HS6ST3: variants seen among roughly 807,000 people sequenced by gnomAD.
HS6ST3 encodes the protein heparan sulfate 6-O-sulfotransferase 3, also known as heparan-sulfate 6-O-sulfotransferase 3.
A neutral mutation model predicts 36.7 loss-of-function variants in HS6ST3; 12 were observed. That is an observed-to-expected ratio of 0.33 (90% CI 0.21 to 0.53). The LOEUF is 0.53. Ranked by LOEUF, HS6ST3 falls within the 20% of genes least tolerant of loss-of-function variation. The probability of loss-of-function intolerance (pLI) is 0.95; values close to 1 mark genes in which losing one functional copy is unlikely to be tolerated. For missense variants in HS6ST3, 584 were observed against 640.9 expected, an observed-to-expected ratio of 0.91 and a Z score of 0.96; for synonymous variants, 240 against 257.5, an observed-to-expected ratio of 0.93 and a Z score of 0.65.
intron 1 of HS6ST3, among the ~76,000 whole-genome samples, chr13:96,714,634 T>G (rs1566436528): frequency 2.0e-5 from 3 of 152,230 alleles, no homozygotes. Context: ...AGCAACTTAC[T>G]GCTAGCTACA....
At chr13:96,182,702 G>C (rs1271620487) in intron 1 of HS6ST3, among the ~76,000 whole-genome samples, 1 of 152,132 alleles carries the variant, frequency 6.6e-6, no homozygotes, top group Non-Finnish European at 1.5e-5. Flanking sequence ...TAATATACCT[G>C]TTGTGAATAA....
chr13:96,778,218 A>G (rs1050488771), intron 1 of HS6ST3, among the ~76,000 whole-genome samples: 4 of 152,140 alleles, frequency 2.6e-5, no homozygotes, highest in Non-Finnish European at 5.9e-5. Flanking sequence ...AACCATAAAA[A>G]CCCTAGAAGA....
At chr13:96,341,229 A>T (rs2055128640) in intron 1 of HS6ST3, among the ~76,000 whole-genome samples, 1 of 152,000 alleles carries the variant, frequency 6.6e-6, no homozygotes, top group South Asian at 2.1e-4. Context: ...AAACAATCAA[A>T]TAAAGACTTA....
At chr13:96,104,093 G>A (rs2053830252) in intron 1 of HS6ST3, among the ~76,000 whole-genome samples, 1 of 151,998 alleles carries the variant, frequency 6.6e-6, no homozygotes, top group Non-Finnish European at 1.5e-5. Flanking sequence ...AAAGTGACCT[G>A]AGAATGTAAT....
At chr13:96,492,867 C>A (rs74106485) in intron 1 of HS6ST3, among the ~76,000 whole-genome samples, 2,261 of 152,254 alleles carry the variant, frequency 0.015, 61 homozygotes, top group African/African-American at 0.051. Flanking sequence ...AGACTGAATT[C>A]TCATCAGTTT....
intron 1 of HS6ST3, among the ~76,000 whole-genome samples, chr13:96,271,495 C>T (rs989162213): frequency 6.6e-6 from 1 of 151,830 alleles, no homozygotes. Context: ...GCCTGTATTC[C>T]CCATGAGTAT....
chr13:96,554,894 C>T (rs573738798), intron 1 of HS6ST3, among the ~76,000 whole-genome samples: 1 of 151,706 alleles, frequency 6.6e-6, no homozygotes, highest in Non-Finnish European at 1.5e-5. Flanking sequence ...TCAAGTGATC[C>T]ATGGCAAAAC....
At chr13:96,806,909 TCTC>T (rs1878208505) in intron 1 of HS6ST3, among the ~76,000 whole-genome samples, 1 of 152,164 alleles carries the variant, frequency 6.6e-6, no homozygotes, top group Non-Finnish European at 1.5e-5. Context: ...GCCTGTTAGA[TCTC>T]CTCTTTTATG....
intron 1 of HS6ST3, among the ~76,000 whole-genome samples, chr13:96,681,440 C>T (rs1467167497): frequency 6.6e-6 from 1 of 152,104 alleles, no homozygotes; most frequent in Non-Finnish European, 1.5e-5. Flanking sequence ...TTCTACCCTC[C>T]TGCTACTGGA....
chr13:96,652,303 G>A (rs1346519421), intron 1 of HS6ST3, among the ~76,000 whole-genome samples: 3 of 151,862 alleles, frequency 2.0e-5, no homozygotes, highest in Non-Finnish European at 4.4e-5. Context: ...TGTTTTTTAT[G>A]TATACATATA....
intron 1 of HS6ST3, among the ~76,000 whole-genome samples, chr13:96,103,757 C>T (rs1051273943): frequency 2.0e-4 from 31 of 152,118 alleles, no homozygotes; most frequent in East Asian, 9.6e-4. Context: ...TTCAAAACAC[C>T]GGAATGACAA....
chr13:96,781,179 T>G (rs1433284017), intron 1 of HS6ST3, among the ~76,000 whole-genome samples: 2 of 152,150 alleles, frequency 1.3e-5, no homozygotes, highest in African/African-American at 4.8e-5. Context: ...AAATTAATCT[T>G]CACATTTTGG....
intron 1 of HS6ST3, among the ~76,000 whole-genome samples, chr13:96,583,354 C>T (rs1353242223): frequency 1.3e-5 from 2 of 151,570 alleles, no homozygotes; most frequent in African/African-American, 2.4e-5. Context: ...GCTGAGATTA[C>T]GGGTGCGTGC....
At chr13:96,483,784 G>T (rs1298314931) in intron 1 of HS6ST3, among the ~76,000 whole-genome samples, 1 of 152,120 alleles carries the variant, frequency 6.6e-6, no homozygotes, top group Non-Finnish European at 1.5e-5. Context: ...AAGTCATTAT[G>T]GTTAGTGTTC....
chr13:96,527,917 T>C (rs1182033903), intron 1 of HS6ST3, among the ~76,000 whole-genome samples: 1 of 152,134 alleles, frequency 6.6e-6, no homozygotes, highest in Non-Finnish European at 1.5e-5. Context: ...ATATTTGCAC[T>C]GATGATGGAA....
At chr13:96,166,600 C>T (rs1188301749) in intron 1 of HS6ST3, among the ~76,000 whole-genome samples, 1 of 113,690 alleles carries the variant, frequency 8.8e-6, no homozygotes, top group Non-Finnish European at 1.7e-5. Flanking sequence ...TTTGTAGAGA[C>T]AGGGTTTTGC....
At chr13:96,519,603 A>T (rs1244053602) in intron 1 of HS6ST3, among the ~76,000 whole-genome samples, 1 of 152,226 alleles carries the variant, frequency 6.6e-6, no homozygotes, top group South Asian at 2.1e-4. Flanking sequence ...GGCAGTTACA[A>T]CTTACTTGGA....
intron 1 of HS6ST3, among the ~76,000 whole-genome samples, chr13:96,194,122 C>T (rs940763100): frequency 2.6e-5 from 4 of 152,166 alleles, no homozygotes; most frequent in East Asian, 1.9e-4. Flanking sequence ...TCAAAGCCCT[C>T]GTCTCCCTTA....
At chr13:96,383,295 C>T (rs1282861875) in intron 1 of HS6ST3, among the ~76,000 whole-genome samples, 1 of 151,426 alleles carries the variant, frequency 6.6e-6, no homozygotes, top group African/African-American at 2.4e-5. Flanking sequence ...CTACTAAACA[C>T]ACACAAAAAT....
Sources: allele counts gnomAD v4.1 joint callset (sites outside exome capture counted in the v4.1 genomes callset), GRCh38; gene constraint gnomAD v4.1.1; transcripts MANE v1.5; gene names NCBI Gene and HGNC (gene_info 2026-07-23, HGNC 2026-07-21).